ZXDC: variants seen among roughly 807,000 people sequenced by gnomAD.
ZXDC encodes zinc finger protein ZXDC.
ZXDC carries 58 observed loss-of-function variants against 63.6 expected under a neutral mutation model. That is an observed-to-expected ratio of 0.91 (90% CI 0.74 to 1.13). The LOEUF (loss-of-function observed/expected upper bound fraction) is 1.13. Among genes scored for constraint, ZXDC ranks in the 50% most tolerant of loss-of-function variants. ZXDC has a pLI of 0.00. For missense variants in ZXDC, 1,133 were observed against 1,148.9 expected (o/e 0.99, Z 0.20); for synonymous variants, 561 against 496.1 (o/e 1.13, Z -1.74).
At chr3:126,468,777 G>A (rs1212466204) in intron 4 of ZXDC, among the ~76,000 whole-genome samples, 4 of 151,880 alleles carry the variant, frequency 2.6e-5, no homozygotes, top group Non-Finnish European at 5.9e-5. Flanking sequence ...AGGTGGCACC[G>A]AGGCATGTGT....
intron 8 of ZXDC, chr3:126,441,511 A>T (rs1200335738): frequency 3.2e-6 from 4 of 1,268,222 alleles, no homozygotes; most frequent in Non-Finnish European, 4.0e-6. Flanking sequence ...CTGTGCACAG[A>T]CAGGTTCAGG....
intron 7 of ZXDC, chr3:126,458,703 A>C: frequency 2.0e-6 from 2 of 985,476 alleles, no homozygotes; most frequent in Non-Finnish European, 2.4e-6. Flanking sequence ...ACCAGGTTCA[A>C]TAAAGGCATC....
intron 1 of ZXDC, among the ~76,000 whole-genome samples, chr3:126,472,911 T>C (rs1935034310): frequency 6.6e-6 from 1 of 152,150 alleles, no homozygotes; most frequent in Admixed American, 6.5e-5. Flanking sequence ...GCCTCAACAA[T>C]TCCACAGCAA....
chr3:126,453,067 T>C lies in ZXDC; in HGVS notation c.2212+6586A>G, dbSNP rs73859286. On this transcript the variant is annotated intron_variant, in intron 7 of 9. Coordinates refer to ENST00000389709, the MANE Select transcript of ZXDC (RefSeq NM_025112.5). ...AGATTTTTCATGGGAAGCTTCTGTT[T>C]TCCACAGAGCTTTGGAGCAGCATTT... 102 of 985,426 alleles carry C rather than the reference T, an allele frequency of 1.0e-4. No individual in the cohort carries two copies. In the African/African-American group the frequency reaches 1.2e-3, roughly 12 times the overall value. 61.0% of individuals were successfully genotyped at this position (985,426 alleles called of 1,614,324 possible). A position where few individuals can be genotyped will look rare whatever the true frequency, so the allele number is the denominator to read the frequency against.
intron 7 of ZXDC, among the ~76,000 whole-genome samples, chr3:126,455,813 C>T (rs904070443): frequency 2.0e-4 from 31 of 151,654 alleles, no homozygotes; most frequent in South Asian, 8.3e-4. Context: ...CTGGCTAATA[C>T]GGTGAAACCC....
intron 7 of ZXDC, among the ~76,000 whole-genome samples, chr3:126,446,559 G>C (rs916942747): frequency 6.6e-6 from 1 of 152,144 alleles, no homozygotes. Context: ...CACAGATGAG[G>C]CTCAGGCCCC....
At chr3:126,457,269 G>A (rs777505) in intron 7 of ZXDC, 599,853 of 984,880 alleles carry the variant, frequency 0.61, 187,571 homozygotes, top group Non-Finnish European at 0.64. Flanking sequence ...GAGGGGAGGC[G>A]GGCAAAGGCA....
rs1933506915 is a variant in ZXDC at position 126,437,640 on chromosome 3, C to T, written c.*735G>A. On this transcript the variant is annotated 3_prime_UTR_variant, in exon 10 of 10. Coordinates refer to ENST00000389709, the MANE Select transcript of ZXDC (RefSeq NM_025112.5). Reference sequence around the variant, plus strand: ...ATAATTTATGGTATTCAGAACATCACTTTATAAACTGTTGCCAAATTACCA... The same window carrying T: ...ATAATTTATGGTATTCAGAACATCATTTTATAAACTGTTGCCAAATTACCA... 6.6e-6 allele frequency: 1 copy of T among 152,364 alleles called. No individual in the cohort carries two copies. Among genetic ancestry groups the T allele is most frequent in the Admixed American group, 6.5e-5 (1 of 15,298 alleles). 9.4% of individuals were successfully genotyped at this position (152,364 alleles called of 1,614,324 possible).
intron 7 of ZXDC, chr3:126,454,565 G>C: frequency 1.0e-6 from 1 of 985,344 alleles, no homozygotes; most frequent in South Asian, 4.7e-5. Flanking sequence ...AACACACAGC[G>C]GAGAGTGTGC....
intron 7 of ZXDC, chr3:126,455,010 A>G (rs752603631): frequency 7.8e-4 from 767 of 985,294 alleles, no homozygotes; most frequent in Non-Finnish European, 9.0e-4. Context: ...TCCTAACCAC[A>G]TGCACAACAG....
Position 126,475,785 on chromosome 3 carries a change from G to C in ZXDC, c.81C>G (p.Ala27=). 1 of 1,119,518 alleles carries C rather than the reference G, an allele frequency of 8.9e-7. No individual in the cohort carries two copies. Among genetic ancestry groups the C allele is most frequent in the Non-Finnish European group, 1.1e-6 (1 of 917,396 alleles). 69.3% of individuals were successfully genotyped at this position (1,119,518 alleles called of 1,614,324 possible). The part of the protein sequence containing the change: ...HGGGPGPLRR[A]PAPLGASPAR... ...CGGGGCTCGCGCCGAGCGGCGCTGGGGCTCGGCGGAGCGGGCCGGGGCCGC... is the reference window on the plus strand; with the variant it reads ...CGGGGCTCGCGCCGAGCGGCGCTGGCGCTCGGCGGAGCGGGCCGGGGCCGC... The change falls in exon 1 of 10, where the codon GCC becomes GCG. Residue 27 remains alanine (A), a synonymous_variant. Coordinates refer to ENST00000389709, the MANE Select transcript of ZXDC (RefSeq NM_025112.5).
chr3:126,471,890 C>T (rs758257434), intron 3 of ZXDC, 83 bp downstream of exon 3: 2 of 1,175,464 alleles, frequency 1.7e-6, no homozygotes, highest in Non-Finnish European at 2.4e-6. Flanking sequence ...AAAATGTCTA[C>T]AGATATTTCA....
intron 5 of ZXDC, among the ~76,000 whole-genome samples, chr3:126,465,349 C>G (rs1330754584): frequency 6.6e-6 from 1 of 152,214 alleles, no homozygotes; most frequent in Non-Finnish European, 1.5e-5. Context: ...GTTTCCTAGT[C>G]CCATGCTGCA....
At chr3:126,461,483 G>A (rs775463528) in intron 6 of ZXDC, 52 bp downstream of exon 6, 25 of 1,545,842 alleles carry the variant, frequency 1.6e-5, no homozygotes, top group Non-Finnish European at 2.2e-5. Context: ...CCTCAAGACC[G>A]AGTATGAGAG....
chr3:126,445,837 C>T (rs926846884), intron 7 of ZXDC, among the ~76,000 whole-genome samples: 2 of 152,034 alleles, frequency 1.3e-5, no homozygotes, highest in East Asian at 3.9e-4. Context: ...TGACGGTACA[C>T]CCTGAAGTCT....
intron 7 of ZXDC, among the ~76,000 whole-genome samples, chr3:126,456,782 CAT>C (rs1560096489): frequency 6.6e-6 from 1 of 152,212 alleles, no homozygotes; most frequent in Non-Finnish European, 1.5e-5. Flanking sequence ...CCAAGCCCCA[CAT>C]ACAGTCTCAA....
chr3:126,461,316 A>C, intron 6 of ZXDC: 1 of 1,360,374 alleles, frequency 7.4e-7, no homozygotes, highest in Non-Finnish European at 9.4e-7. Flanking sequence ...ATTTAGCCAA[A>C]TCTCCTTATG....
chr3:126,458,374 T>A (rs955470630), intron 7 of ZXDC, among the ~76,000 whole-genome samples: 2 of 151,956 alleles, frequency 1.3e-5, no homozygotes, highest in Non-Finnish European at 2.9e-5. Context: ...GTAGCTAGGA[T>A]TACAGACACG....
chr3:126,467,847 C>A (rs1309023602), intron 4 of ZXDC, among the ~76,000 whole-genome samples: 5 of 152,204 alleles, frequency 3.3e-5, no homozygotes, highest in African/African-American at 9.6e-5. Flanking sequence ...CTGAGCACAT[C>A]TTCTGTCAAA....
Sources: gnomAD v4.1 joint callset for allele counts (sites outside exome capture counted in the v4.1 genomes callset) on GRCh38, gnomAD v4.1.1 for gene constraint, MANE v1.5 for transcripts, NCBI Gene and HGNC (gene_info 2026-07-23, HGNC 2026-07-21) for gene names.